DLGAP2: variants seen among roughly 807,000 people sequenced by gnomAD.
The protein encoded by DLGAP2 is disks large-associated protein 2.
DLGAP2 carries 26 observed loss-of-function variants against 100.3 expected under a neutral mutation model. The observed-to-expected ratio is 0.26, with a 90% confidence interval of 0.19 to 0.36. The LOEUF is 0.36. DLGAP2 is among the 10% of genes least tolerant of loss of function. DLGAP2 has a pLI of 1.00. For missense variants in DLGAP2, 1,858 were observed against 1,453.2 expected (o/e 1.28, Z -4.53); for synonymous variants, 886 against 630.1 (o/e 1.41, Z -6.08).
chr8:1,366,880 C>T (rs1423174906), intron 3 of DLGAP2, among the ~76,000 whole-genome samples: 1 of 152,186 alleles, frequency 6.6e-6, no homozygotes, highest in Non-Finnish European at 1.5e-5. Flanking sequence ...TTAACATTTA[C>T]ATGGCAACCC....
intron 1 of DLGAP2, among the ~76,000 whole-genome samples, chr8:748,020 G>A (rs1486252642): frequency 5.6e-5 from 1 of 18,014 alleles, no homozygotes; most frequent in Non-Finnish European, 8.9e-5. Flanking sequence ...TGGGATGGGC[G>A]GGTCTGCGGT....
At chr8:1,208,909 T>C (rs56201951) in intron 2 of DLGAP2, among the ~76,000 whole-genome samples, 1 of 142,568 alleles carries the variant, frequency 7.0e-6, no homozygotes, top group Non-Finnish European at 1.6e-5. Context: ...AATAAATAAA[T>C]AAAATGCTTA....
chr8:1,318,412 T>A (rs73670749), intron 3 of DLGAP2, among the ~76,000 whole-genome samples: 3,780 of 151,274 alleles, frequency 0.025, 154 homozygotes, highest in African/African-American at 0.079. Context: ...CATATCTAGT[T>A]CACCCAGATT....
intron 2 of DLGAP2, among the ~76,000 whole-genome samples, chr8:913,842 A>G (rs751007216): frequency 6.6e-6 from 1 of 152,236 alleles, no homozygotes; most frequent in African/African-American, 2.4e-5. Context: ...ATGAGGCAGA[A>G]CAGCACGGTG....
At chr8:994,241 C>A (rs1346662527) in intron 2 of DLGAP2, among the ~76,000 whole-genome samples, 1 of 152,170 alleles carries the variant, frequency 6.6e-6, no homozygotes, top group Non-Finnish European at 1.5e-5. Flanking sequence ...ACTCTTGTTG[C>A]CCAGGCTGGA....
rs1797039933 is a variant in DLGAP2 at position 1,167,453 on chromosome 8, T to A, written c.74-91398T>A. ...CCCCGGCTGCTAGGGAAGCAGAGTT[T>A]CAGGGTTTTATGCATGTCAAACCCA... On this transcript the variant is annotated intron_variant, in intron 2 of 14. Transcript: ENST00000637795. 1.3e-5 allele frequency among the ~76,000 whole-genome samples: 2 copies of A among 152,190 alleles called. 1 individual carries two copies. Among genetic ancestry groups the A allele is most frequent in the South Asian group, 4.1e-4 (2 of 4,820 alleles).
chr8:1,288,939 A>C (rs1475959762), intron 3 of DLGAP2, among the ~76,000 whole-genome samples: 1 of 152,202 alleles, frequency 6.6e-6, no homozygotes, highest in Non-Finnish European at 1.5e-5. Context: ...TTTTAACATG[A>C]AGTTCAGTAC....
chr8:1,121,066 C>A (rs1175148584), intron 2 of DLGAP2, among the ~76,000 whole-genome samples: 1 of 151,652 alleles, frequency 6.6e-6, no homozygotes, highest in Non-Finnish European at 1.5e-5. Context: ...ACCTCCCATC[C>A]TTATCCCTTT....
chr8:1,350,773 C>T (rs368463584), intron 3 of DLGAP2, among the ~76,000 whole-genome samples: 17 of 34,182 alleles, frequency 5.0e-4, no homozygotes, highest in Non-Finnish European at 6.4e-4. Flanking sequence ...CCTGAGCGTG[C>T]GTGGAAAGGC....
intron 3 of DLGAP2, among the ~76,000 whole-genome samples, chr8:1,441,001 A>C (rs552866580): frequency 3.3e-4 from 50 of 152,304 alleles, no homozygotes; most frequent in African/African-American, 1.2e-3. Context: ...TTCCAGCCAA[A>C]TGGTAGGGGC....
chr8:1,664,909 C>T (rs978294610), intron 8 of DLGAP2, among the ~76,000 whole-genome samples: 2 of 152,194 alleles, frequency 1.3e-5, no homozygotes, highest in African/African-American at 4.8e-5. Context: ...TTTTGTCATC[C>T]AGGAAAAATC....
chr8:1,176,222 C>G (rs772186779), intron 2 of DLGAP2, among the ~76,000 whole-genome samples: 1 of 152,130 alleles, frequency 6.6e-6, no homozygotes, highest in Non-Finnish European at 1.5e-5. Context: ...GTGGGAAATG[C>G]TGCCACTTTC....
At chr8:932,055 T>C (rs556762016) in intron 2 of DLGAP2, among the ~76,000 whole-genome samples, 67 of 152,358 alleles carry the variant, frequency 4.4e-4, no homozygotes, top group African/African-American at 1.5e-3. Flanking sequence ...TAGGAAATAT[T>C]GCAGCACAAA....
chr8:1,130,925 C>T lies in DLGAP2; in HGVS notation c.74-127926C>T, dbSNP rs529075190. 3.9e-5 allele frequency among the ~76,000 whole-genome samples: 6 copies of T among 152,182 alleles called. No homozygotes were observed. In the East Asian group the frequency reaches 1.2e-3, roughly 29 times the overall value. On this transcript the variant is annotated intron_variant, in intron 2 of 14. Transcript: ENST00000637795. ...GCTGAGAGACCGGAGACGGGCCTCC[C>T]TGATGAGGGGAAGGGTGGCTCTGAG...
intron 2 of DLGAP2, among the ~76,000 whole-genome samples, chr8:1,127,044 C>T (rs968829670): frequency 4.0e-5 from 6 of 149,280 alleles, no homozygotes; most frequent in Non-Finnish European, 8.9e-5. Flanking sequence ...AGCTCTTAAA[C>T]GGTCCATCTG....
intron 3 of DLGAP2, among the ~76,000 whole-genome samples, chr8:1,325,343 G>T (rs185203926): frequency 6.6e-5 from 10 of 152,304 alleles, no homozygotes; most frequent in African/African-American, 2.2e-4. Context: ...AGCTGCCTGT[G>T]TGTCCAGCCA....
intron 2 of DLGAP2, among the ~76,000 whole-genome samples, chr8:1,239,193 T>A (rs1328457502): frequency 3.8e-4 from 2 of 5,302 alleles, no homozygotes; most frequent in Non-Finnish European, 4.4e-4. Context: ...CTGTGTCTAG[T>A]TCTCTCTCAC....
At chr8:904,332 C>T (rs908319120) in intron 1 of DLGAP2, among the ~76,000 whole-genome samples, 5 of 152,108 alleles carry the variant, frequency 3.3e-5, no homozygotes, top group Non-Finnish European at 7.4e-5. Context: ...CCAGCTTGGC[C>T]AATGTGGCAA....
At chr8:1,099,328 G>A (rs745918534) in intron 2 of DLGAP2, among the ~76,000 whole-genome samples, 3 of 152,220 alleles carry the variant, frequency 2.0e-5, no homozygotes, top group Admixed American at 6.5e-5. Flanking sequence ...TGTGTGTTGC[G>A]TAGAGACGTG....
Sources: allele counts gnomAD v4.1 joint callset (sites outside exome capture counted in the v4.1 genomes callset), GRCh38; gene constraint gnomAD v4.1.1; transcripts MANE v1.5; gene names NCBI Gene and HGNC (gene_info 2026-07-23, HGNC 2026-07-21).